The following ZNF385B variants were observed in gnomAD, a reference collection of about 807,000 sequenced individuals.
ZNF385B encodes the protein zinc finger protein 385B, also known as zinc finger protein 533.
A neutral mutation model predicts 39.2 loss-of-function variants in ZNF385B; 23 were observed. That is an observed-to-expected ratio of 0.59 (90% confidence interval 0.42 to 0.83). ZNF385B has a LOEUF of 0.83. ZNF385B is among the 40% of genes least tolerant of loss of function. The probability of loss-of-function intolerance (pLI) is 0.00; values close to 1 mark genes in which losing one functional copy is unlikely to be tolerated. For missense variants in ZNF385B, 552 were observed against 598.9 expected (o/e 0.92, Z 0.82); for synonymous variants, 205 against 222.6 (o/e 0.92, Z 0.70).
chr2:179,508,707 G>C (rs931286158), intron 5 of ZNF385B, among the ~76,000 whole-genome samples: 2 of 152,164 alleles, frequency 1.3e-5, no homozygotes, highest in African/African-American at 4.8e-5. Context: ...ATTATAATAA[G>C]TGAGGGTGAG....
At chr2:179,756,412 T>C (rs1466122613) in intron 3 of ZNF385B, among the ~76,000 whole-genome samples, 2 of 152,194 alleles carry the variant, frequency 1.3e-5, no homozygotes, top group African/African-American at 4.8e-5. Flanking sequence ...GCCCTTAACA[T>C]TTTTTCCTTC....
intron 3 of ZNF385B, among the ~76,000 whole-genome samples, chr2:179,758,288 A>G (rs568485507): frequency 6.6e-6 from 1 of 152,324 alleles, no homozygotes; most frequent in African/African-American, 2.4e-5. Flanking sequence ...ATGAAGGCTA[A>G]GAAGTCCAAG....
chr2:179,570,438 A>C (rs535718809), intron 3 of ZNF385B, among the ~76,000 whole-genome samples: 75 of 152,248 alleles, frequency 4.9e-4, no homozygotes. Context: ...CCCAGTTCAA[A>C]TTTTGCTTTT....
chr2:179,558,412 A>C (rs1461555947), intron 3 of ZNF385B, among the ~76,000 whole-genome samples: 1 of 152,184 alleles, frequency 6.6e-6, no homozygotes, highest in Non-Finnish European at 1.5e-5. Context: ...GGTTTATACA[A>C]ATTATCCTTT....
chr2:179,753,559 C>T (rs1415275719), intron 3 of ZNF385B, among the ~76,000 whole-genome samples: 1 of 152,180 alleles, frequency 6.6e-6, no homozygotes, highest in Non-Finnish European at 1.5e-5. Context: ...ATTTATTATT[C>T]CTATCCATGA....
intron 3 of ZNF385B, among the ~76,000 whole-genome samples, chr2:179,744,341 G>A (rs1413288188): frequency 1.4e-5 from 2 of 146,006 alleles, no homozygotes; most frequent in Non-Finnish European, 3.0e-5. Context: ...TCATAGAGAC[G>A]CCTTAGCAGA....
In ZNF385B at chr2:179,772,936, C is replaced by A. The variant is rs561961336; in HGVS notation, c.-154-2264G>T. The stretch of plus-strand genomic sequence containing the variant: ...TTTTACCAGATTAGATGACCAACAA[C>A]TTAACATTCATAAGAGAATAAGACA... On this transcript the variant is annotated intron_variant, in intron 1 of 9. Coordinates refer to ENST00000410066, the MANE Select transcript of ZNF385B (RefSeq NM_152520.6). Among the ~76,000 whole-genome samples the A allele has an allele frequency of 1.3e-5, 2 of 152,250 alleles. 1 individual carries two copies. The highest frequency in any genetic ancestry group is 4.1e-4 in the South Asian group (2 of 4,824).
intron 1 of ZNF385B, among the ~76,000 whole-genome samples, chr2:179,824,073 A>T (rs1233131622): frequency 1.3e-5 from 2 of 152,078 alleles, no homozygotes; most frequent in African/African-American, 4.8e-5. Flanking sequence ...AAGGCTTTTT[A>T]AAAATCTTTA....
rs1355187139 is a variant in ZNF385B at position 179,442,865 on chromosome 2, C to G, written c.*385G>C. On this transcript the variant is annotated 3_prime_UTR_variant, in exon 10 of 10. Transcript: ENST00000410066. ...GACATCTGAGGAAGATCCTAGTTTTCAAGTCTGTCAGGAAAATATTCCATA... is the reference window on the plus strand; with the variant it reads ...GACATCTGAGGAAGATCCTAGTTTTGAAGTCTGTCAGGAAAATATTCCATA... 1 of 263,594 alleles carries G rather than the reference C, an allele frequency of 3.8e-6. No homozygotes were observed. The highest frequency in any genetic ancestry group is 5.1e-5 in the Admixed American group (1 of 19,736). 16.3% of individuals were successfully genotyped at this position (263,594 alleles called of 1,614,324 possible).
intron 5 of ZNF385B, among the ~76,000 whole-genome samples, chr2:179,495,118 C>A (rs1429177253): frequency 2.0e-5 from 3 of 152,092 alleles, no homozygotes; most frequent in Non-Finnish European, 4.4e-5. Flanking sequence ...TGCCTTGTGC[C>A]AGAAGGGGAG....
intron 3 of ZNF385B, among the ~76,000 whole-genome samples, chr2:179,595,099 T>C (rs989178185): frequency 1.6e-4 from 25 of 152,314 alleles, no homozygotes; most frequent in Admixed American, 1.1e-3. Flanking sequence ...ACTTTACTAT[T>C]AATCACCCAA....
chr2:179,740,664 T>C (rs879812444), intron 3 of ZNF385B, among the ~76,000 whole-genome samples: 12 of 152,066 alleles, frequency 7.9e-5, no homozygotes, highest in Admixed American at 7.9e-4. Context: ...CTGAAGTAAG[T>C]AGGAGGACAT....
intron 3 of ZNF385B, among the ~76,000 whole-genome samples, chr2:179,731,733 G>A (rs1701404894): frequency 6.6e-6 from 1 of 152,198 alleles, no homozygotes; most frequent in Non-Finnish European, 1.5e-5. Context: ...GAAGCAGTGA[G>A]CTGTGATTGT....
chr2:179,773,330 G>A (rs1704123051), intron 1 of ZNF385B, among the ~76,000 whole-genome samples: 1 of 152,274 alleles, frequency 6.6e-6, no homozygotes, highest in Middle Eastern at 3.4e-3. Context: ...CTCAACTCAA[G>A]TCAATCGGTT....
chr2:179,796,865 C>G (rs1320697352), intron 1 of ZNF385B, among the ~76,000 whole-genome samples: 2 of 152,150 alleles, frequency 1.3e-5, no homozygotes, highest in Non-Finnish European at 2.9e-5. Flanking sequence ...CCTCTACCAG[C>G]TGTGTCTTGG....
chr2:179,804,119 G>A (rs1050514400), intron 1 of ZNF385B, among the ~76,000 whole-genome samples: 1 of 152,124 alleles, frequency 6.6e-6, no homozygotes, highest in Admixed American at 6.6e-5. Flanking sequence ...GTTTTCAACT[G>A]CTTCTCTCTC....
chr2:179,517,701 C>T (rs930771009), intron 5 of ZNF385B, among the ~76,000 whole-genome samples: 5 of 152,080 alleles, frequency 3.3e-5, no homozygotes, highest in Admixed American at 2.0e-4. Flanking sequence ...ATGCAGCCTT[C>T]GGATTCTGAT....
chr2:179,650,858 T>G (rs1693133385), intron 3 of ZNF385B, among the ~76,000 whole-genome samples: 1 of 152,188 alleles, frequency 6.6e-6, no homozygotes, highest in Non-Finnish European at 1.5e-5. Context: ...ATCCTTTCCC[T>G]GCCTTACCAG....
chr2:179,708,870 A>T (rs2106379309), intron 3 of ZNF385B, among the ~76,000 whole-genome samples: 1 of 152,290 alleles, frequency 6.6e-6, no homozygotes, highest in Non-Finnish European at 1.5e-5. Context: ...CCCCAAACAA[A>T]ACAGCCCTGT....
Sources: gnomAD v4.1 joint callset for allele counts (sites outside exome capture counted in the v4.1 genomes callset) on GRCh38, gnomAD v4.1.1 for gene constraint, MANE v1.5 for transcripts, NCBI Gene and HGNC (gene_info 2026-07-23, HGNC 2026-07-21) for gene names.